MYO3A: variants seen among roughly 807,000 people sequenced by gnomAD.
MYO3A encodes myosin-IIIa.
MYO3A carries 180 observed loss-of-function variants against 192.7 expected under a neutral mutation model. The ratio of observed to expected loss-of-function variants is 0.93; its 90% CI spans 0.83 to 1.06. The LOEUF is 1.06. Ranked by LOEUF, MYO3A falls within the 50% of genes least tolerant of loss-of-function variation. The pLI is 0.00. For synonymous variants in MYO3A, 628 were observed against 645.3 expected (o/e 0.97, Z 0.41); for missense variants, 1,896 against 1,905.0 (o/e 1.00, Z 0.09).
rs768182699 is a variant in MYO3A at position 26,211,965 on chromosome 10, C to T, written c.*2C>T. 1.9e-6 allele frequency: 3 copies of T among 1,610,484 alleles called. No homozygotes were observed. The highest frequency in any genetic ancestry group is 1.7e-5 in the Admixed American group (1 of 59,938). ...CGGCGCCTCGTCCAGCAGTCCTAAC[C>T]GTTCAACGAGGCAGTCACCGCCGTC... On this transcript the variant is annotated 3_prime_UTR_variant, in exon 35 of 35. Coordinates refer to ENST00000642920, the MANE Select transcript of MYO3A (RefSeq NM_017433.5).
At chr10:26,005,689 G>A (rs987814999) in intron 6 of MYO3A, among the ~76,000 whole-genome samples, 1 of 151,926 alleles carries the variant, frequency 6.6e-6, no homozygotes, top group Non-Finnish European at 1.5e-5. Context: ...GTGTATATGT[G>A]TATATATATG....
intron 31 of MYO3A, among the ~76,000 whole-genome samples, chr10:26,192,400 T>A (rs1233207734): frequency 6.6e-6 from 1 of 152,168 alleles, no homozygotes. Context: ...GGCCATAACA[T>A]ATGAGGCAGT....
intron 10 of MYO3A, among the ~76,000 whole-genome samples, chr10:26,033,380 T>C (rs1447470996): frequency 6.6e-6 from 1 of 152,058 alleles, no homozygotes; most frequent in African/African-American, 2.4e-5. Context: ...CACCCAGCTG[T>C]TCCCTTTCTT....
intron 10 of MYO3A, among the ~76,000 whole-genome samples, chr10:26,039,191 C>G (rs1843197364): frequency 6.7e-6 from 1 of 150,072 alleles, no homozygotes; most frequent in East Asian, 2.0e-4. Flanking sequence ...CAGGCAGGCA[C>G]CACCAGGCTC....
At chr10:26,193,067 T>C in intron 31 of MYO3A, 138 bp from the exon 32 acceptor site, 2 of 730,132 alleles carry the variant, frequency 2.7e-6, no homozygotes, top group South Asian at 1.6e-5. Context: ...GGGTTGGTTA[T>C]GCAGCAAACG....
rs377751699 is a variant in MYO3A, at chr10:26,087,356, A to G, written c.1360-847A>G. On this transcript the variant is annotated intron_variant, in intron 14 of 34. Transcript: ENST00000642920. ...ACCCACTCAAATTCTAATGTAGTCTATGTTCCAGAAATAGCCACCACTGCT... is the reference window on the plus strand; with the variant it reads ...ACCCACTCAAATTCTAATGTAGTCTGTGTTCCAGAAATAGCCACCACTGCT... Among the ~76,000 whole-genome samples, 16 of 152,300 alleles carry G rather than the reference A, an allele frequency of 1.1e-4. No homozygotes were observed. In the East Asian group the frequency reaches 1.5e-3, roughly 15 times the overall value.
At chr10:26,005,393 A>G (rs1401474005) in intron 6 of MYO3A, among the ~76,000 whole-genome samples, 3 of 152,216 alleles carry the variant, frequency 2.0e-5, no homozygotes, top group Admixed American at 6.5e-5. Context: ...AAACTTGACA[A>G]CTAAAAGCAC....
chr10:26,028,277 C>G (rs1285215992), intron 10 of MYO3A, among the ~76,000 whole-genome samples: 2 of 152,164 alleles, frequency 1.3e-5, no homozygotes, highest in Non-Finnish European at 2.9e-5. Flanking sequence ...AATGACTTAG[C>G]AAGGATTCAA....
intron 4 of MYO3A, among the ~76,000 whole-genome samples, chr10:25,958,270 T>C (rs575373857): frequency 6.6e-6 from 1 of 152,248 alleles, no homozygotes; most frequent in South Asian, 2.1e-4. Context: ...TATTTGTATA[T>C]AGTGTAAGGA....
At chr10:26,090,910 G>A (rs1454125580) in intron 15 of MYO3A, among the ~76,000 whole-genome samples, 2 of 152,234 alleles carry the variant, frequency 1.3e-5, no homozygotes, top group Non-Finnish European at 2.9e-5. Flanking sequence ...CAGCACTAGT[G>A]CCTGGTGCCA....
At position 26,178,376 on chromosome 10, in the gene MYO3A, A is replaced by AC. The variant is rs1842433420; in HGVS notation, c.4438+1535dup. 2.0e-5 allele frequency among the ~76,000 whole-genome samples: 3 copies of AC among 151,958 alleles called. No homozygotes were observed. In the South Asian group the frequency reaches 6.2e-4, roughly 32 times the overall value. Reference sequence around the variant, plus strand: ...AGACCAGCCTGACCAATATGGTGAAACCCCTTCTCTACTAAAAATACAAAA... The same window carrying AC: ...AGACCAGCCTGACCAATATGGTGAAACCCCCTTCTCTACTAAAAATACAAAA... On this transcript the variant is annotated intron_variant, in intron 31 of 34. Transcript: ENST00000642920.
At chr10:26,182,826 C>T (rs777984673) in intron 31 of MYO3A, among the ~76,000 whole-genome samples, 10 of 152,140 alleles carry the variant, frequency 6.6e-5, no homozygotes, top group Admixed American at 3.3e-4. Context: ...CACAGTGTTC[C>T]GCATAACAGC....
chr10:26,099,200 G>C (rs1301743924), intron 17 of MYO3A, among the ~76,000 whole-genome samples: 1 of 152,086 alleles, frequency 6.6e-6, no homozygotes, highest in African/African-American at 2.4e-5. Context: ...CTCATGATTT[G>C]GCTCTCTGTT....
At chr10:26,109,564 T>C (rs1838032016) in intron 17 of MYO3A, among the ~76,000 whole-genome samples, 3 of 152,356 alleles carry the variant, frequency 2.0e-5, no homozygotes, top group South Asian at 4.1e-4. Flanking sequence ...AGTTCAGTTC[T>C]ATCTGTGATT....
intron 2 of MYO3A, among the ~76,000 whole-genome samples, chr10:25,937,079 T>C (rs1373816306): frequency 6.7e-6 from 1 of 150,216 alleles, no homozygotes; most frequent in African/African-American, 2.5e-5. Context: ...CTCAGTACTT[T>C]AAAATAATTG....
rs376844434 is a variant in MYO3A, at chr10:26,052,198, G to A, written c.954-14777G>A. Among the ~76,000 whole-genome samples, 28 of 152,166 alleles carry A rather than the reference G, an allele frequency of 1.8e-4. No homozygotes were observed. In the East Asian group the frequency reaches 3.5e-3, roughly 19 times the overall value. On this transcript the variant is annotated intron_variant, in intron 10 of 34. Coordinates refer to ENST00000642920, the MANE Select transcript of MYO3A (RefSeq NM_017433.5). ...AGTACATACATAGCTAAACATGTAC[G>A]GATTTTCATCTACTTTCATGTATCA...
At chr10:25,976,395 G>T (rs1445798571) in intron 4 of MYO3A, among the ~76,000 whole-genome samples, 2 of 151,978 alleles carry the variant, frequency 1.3e-5, no homozygotes, top group Non-Finnish European at 2.9e-5. Flanking sequence ...CTAAGCTAAT[G>T]GCCTTAAAAC....
At chr10:26,051,891 G>A (rs1279648978) in intron 10 of MYO3A, among the ~76,000 whole-genome samples, 2 of 152,174 alleles carry the variant, frequency 1.3e-5, no homozygotes, top group East Asian at 1.9e-4. Context: ...GGGCTGCAAA[G>A]CTGAAAATAT....
At chr10:26,079,616 GT>G (rs1441271906) in intron 14 of MYO3A, among the ~76,000 whole-genome samples, 1 of 152,084 alleles carries the variant, frequency 6.6e-6, no homozygotes, top group African/African-American at 2.4e-5. Context: ...CATAGGTCCT[GT>G]GTGATTTATG....
Sources: allele counts gnomAD v4.1 joint callset (sites outside exome capture counted in the v4.1 genomes callset), GRCh38; gene constraint gnomAD v4.1.1; transcripts MANE v1.5; gene names NCBI Gene and HGNC (gene_info 2026-07-23, HGNC 2026-07-21).